HIP1: variants seen among roughly 807,000 people sequenced by gnomAD.
The protein encoded by HIP1 is huntingtin-interacting protein 1.
In HIP1, 65 loss-of-function variants were observed where a neutral mutation model predicts 147.6. The ratio of observed to expected loss-of-function variants is 0.44; its 90% confidence interval spans 0.36 to 0.54. The LOEUF (loss-of-function observed/expected upper bound fraction) is 0.54, where lower values mean the gene tolerates loss of function less well. HIP1 is among the 20% of genes least tolerant of loss of function. HIP1 has a pLI of 0.00. For missense variants in HIP1, 1,061 were observed against 1,299.6 expected, an observed-to-expected ratio of 0.82 and a Z score of 2.82; for synonymous variants, 479 against 504.0, an observed-to-expected ratio of 0.95 and a Z score of 0.67.
At chr7:75,622,036 C>A (rs1797860986) in intron 1 of HIP1, among the ~76,000 whole-genome samples, 1 of 152,270 alleles carries the variant, frequency 6.6e-6, no homozygotes, top group Admixed American at 6.5e-5. Flanking sequence ...GTAATCCCAG[C>A]ACTTTGGGAG....
intron 1 of HIP1, among the ~76,000 whole-genome samples, chr7:75,630,732 C>T (rs1000661036): frequency 7.2e-5 from 11 of 152,096 alleles, no homozygotes; most frequent in African/African-American, 1.4e-4. Context: ...GACACATGCC[C>T]CATCCTTTGT....
intron 1 of HIP1, among the ~76,000 whole-genome samples, chr7:75,736,972 G>T (rs1445577766): frequency 6.6e-6 from 1 of 151,872 alleles, no homozygotes; most frequent in African/African-American, 2.4e-5. Context: ...ACCCAGGCTG[G>T]AGTGCAGTGG....
intron 8 of HIP1, 132 bp downstream of exon 8, chr7:75,573,629 C>T (rs73139357): frequency 0.016 from 14,420 of 892,810 alleles, 136 homozygotes; most frequent in African/African-American, 0.024. Context: ...TCAGAAGCTC[C>T]GGGGCCTTTT....
chr7:75,597,314 C>A (rs1301171077), intron 2 of HIP1, among the ~76,000 whole-genome samples: 2 of 152,144 alleles, frequency 1.3e-5, no homozygotes, highest in Admixed American at 6.6e-5. Flanking sequence ...CCTGGAGGGT[C>A]GCCTCTAGGG....
intron 1 of HIP1, among the ~76,000 whole-genome samples, chr7:75,711,606 GTTT>G (rs778599556): frequency 5.9e-5 from 9 of 152,138 alleles, no homozygotes; most frequent in Non-Finnish European, 1.2e-4. Flanking sequence ...CCATCCTAAA[GTTT>G]TTTACTTTTT....
intron 1 of HIP1, among the ~76,000 whole-genome samples, chr7:75,719,839 C>T (rs1255851165): frequency 7.9e-5 from 12 of 152,164 alleles, no homozygotes; most frequent in Non-Finnish European, 1.2e-4. Flanking sequence ...TTCCAAAGTC[C>T]AGGCTCAGAA....
At chr7:75,590,876 C>A (rs1554500606) in intron 4 of HIP1, among the ~76,000 whole-genome samples, 1 of 152,172 alleles carries the variant, frequency 6.6e-6, no homozygotes, top group African/African-American at 2.4e-5. Flanking sequence ...GCTTCCCTTT[C>A]TGGGCCTGTG....
intron 1 of HIP1, among the ~76,000 whole-genome samples, chr7:75,679,388 GA>G (rs1734635488): frequency 6.6e-6 from 1 of 152,122 alleles, no homozygotes; most frequent in African/African-American, 2.4e-5. Context: ...ATTTTCTGTA[GA>G]GACAGAGTTT....
chr7:75,680,549 A>C (rs1800029061), intron 1 of HIP1, among the ~76,000 whole-genome samples: 1 of 152,170 alleles, frequency 6.6e-6, no homozygotes, highest in Non-Finnish European at 1.5e-5. Context: ...ATGCAATCAT[A>C]ACATTCATCT....
intron 1 of HIP1, among the ~76,000 whole-genome samples, chr7:75,655,813 A>C (rs146406559): frequency 1.4e-4 from 22 of 152,138 alleles, no homozygotes; most frequent in African/African-American, 4.8e-4. Flanking sequence ...ATGCCACTGA[A>C]TTGTATACTT....
chr7:75,559,888 C>T lies in HIP1; in HGVS notation c.1219G>A (p.Gly407Ser), dbSNP rs1795161204. ...TCTGCTTCCAGCTCGCTGACGTGGC[C>T]CTTCAGCTGCAGCACAACCCGCTGG... ...ESQRVVLQLK[G>S]HVSELEADLA... Residue 407 changes from glycine to serine, a missense_variant, in exon 14 of 31, where the codon GGC becomes AGC. Coordinates refer to ENST00000336926, the MANE Select transcript of HIP1 (RefSeq NM_005338.7). 6.2e-7 allele frequency: 1 copy of T among 1,608,776 alleles called. No homozygotes were observed. Among genetic ancestry groups the T allele is most frequent in the Non-Finnish European group, 8.5e-7 (1 of 1,178,676 alleles).
Position 75,558,176 on chromosome 7 carries a change from C to A in HIP1, c.1455G>T (p.Leu485=). 6.2e-7 allele frequency: 1 copy of A among 1,613,656 alleles called. No individual in the cohort carries two copies. The highest frequency in any genetic ancestry group is 1.3e-5 in the African/African-American group (1 of 75,060). ...YSELVQNHAD[L]LRKNAEVTKQ... ...GGGCTGAGGGTCTTACCTTCCGCAG[C>A]AGGTCAGCGTGGTTCTGAACCAGCT... The change falls in exon 15 of 31, where the codon CTG becomes CTT. Residue 485 remains leucine (L), a synonymous_variant. Transcript: ENST00000336926.
chr7:75,555,265 G>T (rs1794954328), intron 19 of HIP1, 151 bp downstream of exon 19: 3 of 675,992 alleles, frequency 4.4e-6, no homozygotes, highest in Non-Finnish European at 7.3e-6. Context: ...ACATGTAACT[G>T]ATCTAGGATG....
At chr7:75,614,901 T>G (rs1426598928) in intron 1 of HIP1, among the ~76,000 whole-genome samples, 3 of 151,954 alleles carry the variant, frequency 2.0e-5, no homozygotes, top group African/African-American at 4.8e-5. Context: ...AGCCTCCTGA[T>G]AGCTGGGATT....
chr7:75,589,150 T>TAAA (rs112794656), intron 4 of HIP1, among the ~76,000 whole-genome samples: 2 of 129,848 alleles, frequency 1.5e-5, no homozygotes, highest in Non-Finnish European at 1.7e-5. Flanking sequence ...AACTCTGTCT[T>TAAA]AAAAAAAAAA....
At chr7:75,564,373 C>T (rs1795335032) in intron 9 of HIP1, among the ~76,000 whole-genome samples, 1 of 152,070 alleles carries the variant, frequency 6.6e-6, no homozygotes, top group Non-Finnish European at 1.5e-5. Context: ...CGGCTCACTG[C>T]AAGCTCCACC....
Position 75,592,126 on chromosome 7 carries a change from AG to A in HIP1, c.328-15del. 6.2e-7 allele frequency: 1 copy of A among 1,611,010 alleles called. No individual in the cohort carries two copies. Among genetic ancestry groups the A allele is most frequent in the Non-Finnish European group, 8.5e-7 (1 of 1,177,198 alleles). ...GTCCTTCAGGACCTGCAGGGGCAAAAGAACAGCCTGTGAGAGAATGGAGAAG... is the reference window on the plus strand; with the variant it reads ...GTCCTTCAGGACCTGCAGGGGCAAAAAACAGCCTGTGAGAGAATGGAGAAG... On this transcript the variant is annotated splice_polypyrimidine_tract_variant and intron_variant, in intron 3 of 30. Coordinates refer to ENST00000336926, the MANE Select transcript of HIP1 (RefSeq NM_005338.7).
At chr7:75,659,284 T>C (rs992190345) in intron 1 of HIP1, among the ~76,000 whole-genome samples, 13 of 152,132 alleles carry the variant, frequency 8.5e-5, no homozygotes, top group Admixed American at 6.6e-5. Flanking sequence ...CCCAGCTCAG[T>C]AAGGGGAGGG....
rs1799398242 is a variant in HIP1, at chr7:75,663,938, A to ATATATATACACATATATGTG, written c.121-64692_121-64691insCACATATATGTGTATATATA. 2.6e-5 allele frequency among the ~76,000 whole-genome samples: 3 copies of ATATATATACACATATATGTG among 116,668 alleles called. 1 individual carries two copies. The highest frequency in any genetic ancestry group is 5.5e-5 in the Non-Finnish European group (3 of 54,894). 76.5% of individuals were successfully genotyped at this position (116,668 alleles called of 152,430 possible). On this transcript the variant is annotated intron_variant, in intron 1 of 30. Coordinates refer to ENST00000336926, the MANE Select transcript of HIP1 (RefSeq NM_005338.7). ...TCCATTATTTTATGTATGTGTGTAT[A>ATATATATACACATATATGTG]TATATATATACACATATATGTGTAT...
Sources: gnomAD v4.1 joint callset for allele counts (sites outside exome capture counted in the v4.1 genomes callset) on GRCh38, gnomAD v4.1.1 for gene constraint, MANE v1.5 for transcripts, NCBI Gene and HGNC (gene_info 2026-07-23, HGNC 2026-07-21) for gene names.